The following ARHGAP15 variants were observed in gnomAD, a reference collection of about 807,000 sequenced individuals.
ARHGAP15 encodes rho GTPase-activating protein 15.
A neutral mutation model predicts 63.7 loss-of-function variants in ARHGAP15; 51 were observed. The ratio of observed to expected loss-of-function variants is 0.80; its 90% CI spans 0.64 to 1.01. ARHGAP15 has a LOEUF of 1.01. Among genes scored for constraint, ARHGAP15 ranks in the 50% least tolerant of loss-of-function variants. The pLI is 0.00. For missense variants in ARHGAP15, 560 were observed against 564.6 expected, an observed-to-expected ratio of 0.99 and a Z score of 0.08; for synonymous variants, 191 against 193.8, an observed-to-expected ratio of 0.99 and a Z score of 0.12.
intron 8 of ARHGAP15, among the ~76,000 whole-genome samples, chr2:143,476,192 T>C (rs1257490537): frequency 6.6e-6 from 1 of 152,174 alleles, no homozygotes; most frequent in Non-Finnish European, 1.5e-5. Flanking sequence ...TCTGGGGTAC[T>C]TCTGAAACAC....
intron 6 of ARHGAP15, among the ~76,000 whole-genome samples, chr2:143,291,334 T>C (rs1207262532): frequency 1.3e-5 from 2 of 152,044 alleles, no homozygotes; most frequent in Non-Finnish European, 1.5e-5. Flanking sequence ...TCCCAAGGTG[T>C]TTACAATCTG....
At chr2:143,352,600 A>G (rs973538982) in intron 6 of ARHGAP15, among the ~76,000 whole-genome samples, 9 of 152,228 alleles carry the variant, frequency 5.9e-5, no homozygotes, top group African/African-American at 2.2e-4. Context: ...GAGAGCCACA[A>G]TACAAATTAA....
chr2:143,557,174 A>C (rs1286156440), intron 11 of ARHGAP15, among the ~76,000 whole-genome samples: 1 of 152,160 alleles, frequency 6.6e-6, no homozygotes, highest in Non-Finnish European at 1.5e-5. Context: ...TCATGTACAC[A>C]CAAAAACCTA....
chr2:143,677,937 GT>G lies in ARHGAP15; in HGVS notation c.1139-25481del, dbSNP rs1223079505. Among the ~76,000 whole-genome samples the G allele has an allele frequency of 2.0e-5, 3 of 152,328 alleles. No homozygotes were observed. The East Asian group carries it at 5.8e-4, about 29-fold the overall frequency. ...GAAAATCCAAAAGAGGTCAGGTGCG[GT>G]AGCTCATGCCTGTAATCCCAGTACT... On this transcript the variant is annotated intron_variant, in intron 12 of 13. Coordinates refer to ENST00000295095, the MANE Select transcript of ARHGAP15 (RefSeq NM_018460.4).
chr2:143,331,073 A>C (rs1348505028), intron 6 of ARHGAP15, among the ~76,000 whole-genome samples: 12 of 152,186 alleles, frequency 7.9e-5, no homozygotes, highest in Admixed American at 7.9e-4. Context: ...TACCTGCAGC[A>C]AGAGGTGGCT....
intron 11 of ARHGAP15, among the ~76,000 whole-genome samples, chr2:143,586,172 G>T (rs749837315): frequency 5.9e-5 from 9 of 152,166 alleles, no homozygotes; most frequent in Admixed American, 3.3e-4. Flanking sequence ...TGATTTACCT[G>T]TGCTGCCTGG....
At chr2:143,350,060 TTTTTA>T (rs2105310746) in intron 6 of ARHGAP15, among the ~76,000 whole-genome samples, 1 of 152,310 alleles carries the variant, frequency 6.6e-6, no homozygotes, top group South Asian at 2.1e-4. Context: ...CGTAGTTTTA[TTTTTA>T]TTTTCTTAAT....
At chr2:143,150,835 G>A (rs1258314756) in intron 1 of ARHGAP15, among the ~76,000 whole-genome samples, 2 of 152,034 alleles carry the variant, frequency 1.3e-5, no homozygotes, top group African/African-American at 2.4e-5. Flanking sequence ...ACGTGTTCTA[G>A]GAAGAACAAG....
chr2:143,455,607 A>G (rs1251562360), intron 8 of ARHGAP15, among the ~76,000 whole-genome samples: 3 of 152,140 alleles, frequency 2.0e-5, no homozygotes, highest in Non-Finnish European at 4.4e-5. Flanking sequence ...TAACAAGTTG[A>G]TTTAATTTAA....
At chr2:143,292,480 C>A (rs73962393) in intron 6 of ARHGAP15, among the ~76,000 whole-genome samples, 7 of 151,900 alleles carry the variant, frequency 4.6e-5, no homozygotes, top group Non-Finnish European at 8.8e-5. Flanking sequence ...TGTAAATATG[C>A]ATAGTTCAAA....
intron 6 of ARHGAP15, among the ~76,000 whole-genome samples, chr2:143,422,402 A>G (rs531973705): frequency 3.9e-4 from 60 of 152,266 alleles, no homozygotes; most frequent in African/African-American, 1.4e-3. Flanking sequence ...CAATGGAACC[A>G]TCTTGATGAA....
intron 6 of ARHGAP15, among the ~76,000 whole-genome samples, chr2:143,392,749 A>G (rs1687587968): frequency 6.6e-6 from 1 of 152,202 alleles, no homozygotes; most frequent in Non-Finnish European, 1.5e-5. Flanking sequence ...TTTTGGGAGT[A>G]TAGAAAAAAT....
rs1238564523 is a variant in ARHGAP15 at position 143,737,731 on chromosome 2, TTTA to T, written c.1245-30255_1245-30253del. Among the ~76,000 whole-genome samples the T allele has an allele frequency of 2.0e-3, 35 of 17,794 alleles. No individual in the cohort carries two copies. The African/African-American group carries it at 0.025, about 13-fold the overall frequency. The allele number at this position is 17,794 out of a possible 152,430, so 11.7% of individuals were successfully genotyped here. A position where few individuals can be genotyped will look rare whatever the true frequency, so the allele number is the denominator to read the frequency against. On this transcript the variant is annotated intron_variant, in intron 13 of 13. Transcript: ENST00000295095. ...AAACTTTTGAAACCTATTTATTTTA[TTTA>T]TTTATTTATTTATTTATTTATTTAT...
intron 12 of ARHGAP15, among the ~76,000 whole-genome samples, chr2:143,680,962 C>G (rs1173730117): frequency 6.6e-6 from 1 of 152,192 alleles, no homozygotes; most frequent in East Asian, 1.9e-4. Flanking sequence ...GTAGAAAATT[C>G]TAAATCTCTT....
intron 1 of ARHGAP15, among the ~76,000 whole-genome samples, chr2:143,154,646 T>G (rs1690009469): frequency 6.6e-6 from 1 of 151,932 alleles, no homozygotes; most frequent in Admixed American, 6.6e-5. Context: ...TGTGTTCACT[T>G]GAGGAACTTT....
chr2:143,746,879 G>A (rs1377662354), intron 13 of ARHGAP15, among the ~76,000 whole-genome samples: 1 of 152,110 alleles, frequency 6.6e-6, no homozygotes, highest in Non-Finnish European at 1.5e-5. Flanking sequence ...GCATAAATGT[G>A]GCAATAAAAA....
chr2:143,671,267 G>A (rs571006199), intron 12 of ARHGAP15, among the ~76,000 whole-genome samples: 1 of 151,372 alleles, frequency 6.6e-6, no homozygotes, highest in Non-Finnish European at 1.5e-5. Context: ...TTTTTATATC[G>A]CTGGGGGATT....
At chr2:143,138,945 A>C (rs1294852801) in intron 1 of ARHGAP15, among the ~76,000 whole-genome samples, 3 of 152,108 alleles carry the variant, frequency 2.0e-5, no homozygotes, top group Non-Finnish European at 4.4e-5. Flanking sequence ...GGCTACAGGA[A>C]ATTTTTAAAC....
At chr2:143,511,360 G>A (rs144618905) in intron 9 of ARHGAP15, among the ~76,000 whole-genome samples, 304 of 152,224 alleles carry the variant, frequency 2.0e-3, no homozygotes, top group African/African-American at 7.1e-3. Flanking sequence ...GTGCTGAAAC[G>A]GTGGGATGAA....
Sources: allele counts gnomAD v4.1 joint callset (sites outside exome capture counted in the v4.1 genomes callset), GRCh38; gene constraint gnomAD v4.1.1; transcripts MANE v1.5; gene names NCBI Gene and HGNC (gene_info 2026-07-23, HGNC 2026-07-21).